PM20D2: variants seen among roughly 807,000 people sequenced by gnomAD.
PM20D2 encodes xaa-Arg dipeptidase.
A neutral mutation model predicts 42.9 loss-of-function variants in PM20D2; 33 were observed. The observed-to-expected ratio is 0.77, with a 90% confidence interval of 0.58 to 1.03. The LOEUF (loss-of-function observed/expected upper bound fraction) is 1.03, where lower values mean the gene tolerates loss of function less well. Among genes scored for constraint, PM20D2 ranks in the 50% least tolerant of loss-of-function variants. The pLI is 0.00. For missense variants in PM20D2, 548 were observed against 557.0 expected (o/e 0.98, Z 0.16); for synonymous variants, 250 against 228.2 (o/e 1.10, Z -0.86).
the PM20D2 span, chr6:89,105,699 G>T: frequency 2.3e-6 from 1 of 436,280 alleles, no homozygotes; most frequent in Non-Finnish European, 4.0e-6. Context: ...TTTTTCTCAT[G>T]AAAACAAATG....
chr6:89,103,402 C>A, the PM20D2 span, among the ~76,000 whole-genome samples: 1 of 151,550 alleles, frequency 6.6e-6, no homozygotes, highest in East Asian at 1.9e-4. Flanking sequence ...GATCTCAGCT[C>A]ACTGCAACCT....
the PM20D2 span, among the ~76,000 whole-genome samples, chr6:89,132,438 G>A: frequency 1.3e-5 from 2 of 151,218 alleles, no homozygotes; most frequent in Non-Finnish European, 2.9e-5. Context: ...CACTTACGGA[G>A]CCCTCTCAAT....
the PM20D2 span, among the ~76,000 whole-genome samples, chr6:89,129,888 C>T: frequency 4.6e-5 from 7 of 151,800 alleles, no homozygotes; most frequent in African/African-American, 1.7e-4. Context: ...CCACCATGCC[C>T]GGCTAATATT....
chr6:89,152,001 A>G (rs781759672), intron 2 of PM20D2, among the ~76,000 whole-genome samples: 1 of 152,030 alleles, frequency 6.6e-6, no homozygotes, highest in Non-Finnish European at 1.5e-5. Flanking sequence ...GCTGAGGCAG[A>G]GGAGGATTGC....
chr6:89,109,556 A>G, the PM20D2 span, among the ~76,000 whole-genome samples: 1 of 152,170 alleles, frequency 6.6e-6, no homozygotes, highest in East Asian at 1.9e-4. Flanking sequence ...GCTAAGAGGA[A>G]AGGGATCATA....
chr6:89,133,880 A>G, the PM20D2 span, among the ~76,000 whole-genome samples: 1 of 151,284 alleles, frequency 6.6e-6, no homozygotes, highest in African/African-American at 2.5e-5. Flanking sequence ...CATATTTTAT[A>G]TGGGAGGGAA....
the PM20D2 span, among the ~76,000 whole-genome samples, chr6:89,119,744 C>CT: frequency 1.3e-5 from 2 of 152,222 alleles, no homozygotes; most frequent in Non-Finnish European, 2.9e-5. Context: ...CATGTTTTGG[C>CT]TGTGGATACA....
At chr6:89,095,867 A>G in the PM20D2 span, 1 of 152,362 alleles carries the variant, frequency 6.6e-6, no homozygotes, top group Non-Finnish European at 1.5e-5. Flanking sequence ...ATCCTCTATG[A>G]TCCTGAATAA....
At chr6:89,144,961 TA>T (rs1323818500), upstream of PM20D2, among the ~76,000 whole-genome samples, 5 of 152,356 alleles carry the variant, frequency 3.3e-5, no homozygotes, top group Admixed American at 2.6e-4. Flanking sequence ...TATAGAGTAG[TA>T]AAAACAGTAG....
chr6:89,118,977 A>G, the PM20D2 span, among the ~76,000 whole-genome samples: 1 of 152,198 alleles, frequency 6.6e-6, no homozygotes, highest in Non-Finnish European at 1.5e-5. Context: ...CCTGTTATTC[A>G]GGGCTGGGAG....
intron 1 of PM20D2, among the ~76,000 whole-genome samples, chr6:89,148,978 TGTA>T (rs945873267): frequency 5.9e-5 from 9 of 152,326 alleles, no homozygotes; most frequent in South Asian, 2.1e-4. Context: ...GGACTAAACT[TGTA>T]GTATTTTTTT....
At chr6:89,133,473 C>T in the PM20D2 span, among the ~76,000 whole-genome samples, 1 of 151,018 alleles carries the variant, frequency 6.6e-6, no homozygotes, top group Non-Finnish European at 1.5e-5. Context: ...TGGGCCCTGG[C>T]TGCATAGAGT....
Position 89,146,693 on chromosome 6 carries a change from G to A in PM20D2, c.465+84G>A, listed in dbSNP as rs933351047. On this transcript the variant is annotated intron_variant, in intron 1 of 6. Coordinates refer to ENST00000275072, the MANE Select transcript of PM20D2 (RefSeq NM_001010853.3). ...GAAGGGCGGGACTCTCGTGCGTCCC[G>A]CGCGCCTCGGTGCCCTCCCGCCCGG... 21 of 1,170,848 alleles carry A rather than the reference G, an allele frequency of 1.8e-5. No homozygotes were observed. In the African/African-American group the frequency reaches 2.9e-4, roughly 16 times the overall value. The allele number at this position is 1,170,848 out of a possible 1,614,324, so 72.5% of individuals were successfully genotyped here.
chr6:89,161,656 C>T lies in PM20D2; in HGVS notation c.1049-127C>T, dbSNP rs546814021. 3.3e-3 allele frequency: 2,319 copies of T among 697,792 alleles called. 8 individuals are homozygous for T. Among genetic ancestry groups the T allele is most frequent in the Non-Finnish European group, 4.4e-3 (1,712 of 393,492 alleles). The allele number at this position is 697,792 out of a possible 1,614,324, so 43.2% of individuals were successfully genotyped here. A position where few individuals can be genotyped will look rare whatever the true frequency, so the allele number is the denominator to read the frequency against. ...GAAGGTGAGCCCATGAAAGCATGAG[C>T]ATACGGACAACTCTCCAAGAAGCTC... On this transcript the variant is annotated intron_variant, in intron 5 of 6. Coordinates refer to ENST00000275072, the MANE Select transcript of PM20D2 (RefSeq NM_001010853.3).
chr6:89,161,737 AC>A (rs1412841066), intron 5 of PM20D2, 45 bp from the exon 6 acceptor site: 15 of 1,419,000 alleles, frequency 1.1e-5, no homozygotes, highest in Non-Finnish European at 1.5e-5. Flanking sequence ...AGAATACTTA[AC>A]CACATATACT....
At chr6:89,125,861 G>A in the PM20D2 span, among the ~76,000 whole-genome samples, 122 of 152,026 alleles carry the variant, frequency 8.0e-4, no homozygotes, top group African/African-American at 2.8e-3. Context: ...CCAGACAGGC[G>A]GATCACTTGA....
chr6:89,146,451 C>G lies in PM20D2; in HGVS notation c.307C>G (p.Pro103Ala). The change falls in exon 1 of 7, where the codon CCA becomes GCA. Residue 103 changes from proline (P) to alanine (A), a missense_variant. By Grantham distance (27) the Pro-to-Ala change is conservative. Coordinates refer to ENST00000275072, the MANE Select transcript of PM20D2 (RefSeq NM_001010853.3). The part of the protein sequence containing the change: ...PPEARAPSAT[P>A]RPLHLGFLCE... The stretch of plus-strand genomic sequence containing the variant: ...GGAGGCCCGGGCACCGAGCGCCACG[C>G]CACGCCCGCTGCACCTGGGCTTCCT... The G allele has an allele frequency of 6.6e-7, 1 of 1,523,234 alleles. No homozygotes were observed. Among genetic ancestry groups the G allele is most frequent in the Non-Finnish European group, 8.8e-7 (1 of 1,142,664 alleles). 94.4% of individuals were successfully genotyped at this position (1,523,234 alleles called of 1,614,324 possible). A position where few individuals can be genotyped will look rare whatever the true frequency, so the allele number is the denominator to read the frequency against.
Position 89,146,590 on chromosome 6 carries a change from G to C in PM20D2, c.446G>C (p.Arg149Thr). ...GVRGALEGLP[R>T]PPPPVKVVVL... ...AGGGGGGCCTTAGAGGGCCTCCCCAGGCCGCCTCCGCCCGTGAAGGTGAGG... is the reference window on the plus strand; with the variant it reads ...AGGGGGGCCTTAGAGGGCCTCCCCACGCCGCCTCCGCCCGTGAAGGTGAGG... Residue 149 changes from arginine to threonine, a missense_variant, in exon 1 of 7, where the codon AGG becomes ACG. Around this residue, in one of 3 missense-constraint regions of PM20D2, gnomAD observed 470 missense variants for 464.4 expected, o/e 1.01. Transcript: ENST00000275072. 6.9e-7 allele frequency: 1 copy of C among 1,458,186 alleles called. No individual in the cohort carries two copies. The highest frequency in any genetic ancestry group is 9.0e-7 in the Non-Finnish European group (1 of 1,111,570). The allele number at this position is 1,458,186 out of a possible 1,614,324, so 90.3% of individuals were successfully genotyped here.
At chr6:89,129,129 T>C in the PM20D2 span, among the ~76,000 whole-genome samples, 1 of 151,866 alleles carries the variant, frequency 6.6e-6, no homozygotes. Context: ...TTGACACTCA[T>C]TGAGGGGTTA....
Sources: gnomAD v4.1 joint callset for allele counts (sites outside exome capture counted in the v4.1 genomes callset) on GRCh38, gnomAD v4.1.1 for gene constraint, gnomAD v4.1.1 regional missense constraint, MANE v1.5 for transcripts, NCBI Gene and HGNC (gene_info 2026-07-23, HGNC 2026-07-21) for gene names.